The following PPP2R2C variants were observed in gnomAD, a reference collection of about 807,000 sequenced individuals.
The protein encoded by PPP2R2C is protein phosphatase 2 regulatory subunit Bgamma, also known as protein phosphatase 2, regulatory subunit B, gamma.
Under a neutral mutation model 45.3 loss-of-function variants are expected in PPP2R2C, and 10 were observed. That is an observed-to-expected ratio of 0.22 (90% CI 0.14 to 0.37). PPP2R2C has a LOEUF of 0.37. Among genes scored for constraint, PPP2R2C ranks in the 10% least tolerant of loss-of-function variants. The pLI is 1.00. For missense variants in PPP2R2C, 308 were observed against 619.7 expected (o/e 0.50, Z 5.34); for synonymous variants, 257 against 245.4 (o/e 1.05, Z -0.44).
chr4:6,476,440 G>C (rs939735433), upstream of PPP2R2C, among the ~76,000 whole-genome samples: 23 of 152,184 alleles, frequency 1.5e-4, no homozygotes, highest in Admixed American at 9.8e-4. Flanking sequence ...GAAGAGACGT[G>C]AGAGAGTTTG....
chr4:6,539,763 T>G (rs1489884237), intron 1 of PPP2R2C, among the ~76,000 whole-genome samples: 3 of 152,148 alleles, frequency 2.0e-5, no homozygotes, highest in African/African-American at 7.2e-5. Flanking sequence ...GCATTCCCGA[T>G]TACCCTCGCT....
At chr4:6,546,185 T>C (rs561014115) in intron 1 of PPP2R2C, among the ~76,000 whole-genome samples, 1 of 152,318 alleles carries the variant, frequency 6.6e-6, no homozygotes, top group East Asian at 1.9e-4. Flanking sequence ...ATGGTCAGGA[T>C]CTTCCATAAG....
At chr4:6,337,832 G>A (rs2109193527) in intron 6 of PPP2R2C, among the ~76,000 whole-genome samples, 1 of 152,270 alleles carries the variant, frequency 6.6e-6, no homozygotes, top group Admixed American at 6.5e-5. Flanking sequence ...ATTTCTGAGG[G>A]TTTTTAAGGA....
At position 6,394,454 on chromosome 4, in the gene PPP2R2C, A is replaced by G. The variant is rs537893958; in HGVS notation, c.71-13360T>C. Reference sequence around the variant, plus strand: ...TGGACATTGAAGCAAAGATTAATCAATGACAGAGAGAGGAAAAGGGTTTGA... The same window carrying G: ...TGGACATTGAAGCAAAGATTAATCAGTGACAGAGAGAGGAAAAGGGTTTGA... On this transcript the variant is annotated intron_variant, in intron 1 of 8. Coordinates refer to ENST00000382599, the MANE Select transcript of PPP2R2C (RefSeq NM_020416.4). Among the ~76,000 whole-genome samples the G allele has an allele frequency of 3.3e-5, 5 of 152,372 alleles. 1 individual carries two copies. In the South Asian group the frequency reaches 1.0e-3, roughly 32 times the overall value.
intron 3 of PPP2R2C, among the ~76,000 whole-genome samples, chr4:6,376,238 G>A (rs527588375): frequency 6.6e-6 from 1 of 152,274 alleles, no homozygotes; most frequent in South Asian, 2.1e-4. Flanking sequence ...TACTACAGGA[G>A]TCAAAACAAA....
chr4:6,498,272 A>G (rs1276555599), intron 2 of PPP2R2C, among the ~76,000 whole-genome samples: 1 of 152,222 alleles, frequency 6.6e-6, no homozygotes, highest in Non-Finnish European at 1.5e-5. Context: ...GCAGCTCAAC[A>G]CTAGATGGTT....
In PPP2R2C at chr4:6,470,093, CTG is replaced by C. The variant is rs1416364435; in HGVS notation, c.70+2065_70+2066del. Among the ~76,000 whole-genome samples, 17 of 152,318 alleles carry C rather than the reference CTG, an allele frequency of 1.1e-4. No individual in the cohort carries two copies. The East Asian group carries it at 3.1e-3, about 28-fold the overall frequency. On this transcript the variant is annotated intron_variant, in intron 1 of 8. Transcript: ENST00000382599. Reference sequence around the variant, plus strand: ...AACGGCTCCTTCAACACCGTTGCACCTGCTCCTCACAGAAACCTCCAGACCCT... The same window carrying C: ...AACGGCTCCTTCAACACCGTTGCACCCTCCTCACAGAAACCTCCAGACCCT...
At chr4:6,410,632 G>T (rs1042414881) in intron 1 of PPP2R2C, among the ~76,000 whole-genome samples, 1 of 152,040 alleles carries the variant, frequency 6.6e-6, no homozygotes, top group Non-Finnish European at 1.5e-5. Context: ...GTGTGTGAGG[G>T]GGTGTGGCTG....
rs754764576 is a variant in PPP2R2C, at chr4:6,381,805, T to C, written c.71-711A>G. ...GAGTCTTCAATGCCCAGGGCTGGCC[T>C]TCCTGGATGGGCAAGTGTTTGGAGA... is the stretch of plus-strand genomic sequence containing the variant. On this transcript the variant is annotated intron_variant, in intron 1 of 8. Transcript: ENST00000382599. 8.1e-6 allele frequency: 13 copies of C among 1,613,912 alleles called. No individual in the cohort carries two copies. In the Admixed American group the frequency reaches 1.8e-4, roughly 23 times the overall value.
At chr4:6,559,646 C>T (rs1035820459) in intron 1 of PPP2R2C, among the ~76,000 whole-genome samples, 5 of 152,138 alleles carry the variant, frequency 3.3e-5, no homozygotes, top group African/African-American at 4.8e-5. Flanking sequence ...TATGAGGAGC[C>T]GGGCCCTGGG....
intron 1 of PPP2R2C, among the ~76,000 whole-genome samples, chr4:6,443,484 C>T (rs747019659): frequency 8.5e-5 from 13 of 152,192 alleles, no homozygotes; most frequent in Non-Finnish European, 1.5e-4. Flanking sequence ...CAGACCACCC[C>T]GGCGTGAGTC....
At chr4:6,559,330 T>C (rs1725502249) in intron 1 of PPP2R2C, among the ~76,000 whole-genome samples, 2 of 152,016 alleles carry the variant, frequency 1.3e-5, no homozygotes, top group Admixed American at 6.6e-5. Flanking sequence ...GTATAGTGCA[T>C]AGTGCCCGTG....
At chr4:6,526,942 C>T (rs1724226936) in intron 2 of PPP2R2C, among the ~76,000 whole-genome samples, 1 of 152,272 alleles carries the variant, frequency 6.6e-6, no homozygotes, top group Middle Eastern at 3.4e-3. Context: ...CATCCACCCT[C>T]GCACTCCAGC....
At chr4:6,545,900 G>A (rs1355849749) in intron 1 of PPP2R2C, among the ~76,000 whole-genome samples, 9 of 152,262 alleles carry the variant, frequency 5.9e-5, no homozygotes, top group Admixed American at 1.3e-4. Flanking sequence ...GCTACAAAGG[G>A]TTGTGGGAAT....
At chr4:6,346,168 C>A (rs1240507108) in intron 6 of PPP2R2C, among the ~76,000 whole-genome samples, 1 of 152,156 alleles carries the variant, frequency 6.6e-6, no homozygotes, top group East Asian at 1.9e-4. Flanking sequence ...TCCTGCAGAC[C>A]CTGCAGCGAC....
At chr4:6,387,930 G>A (rs1482396220) in intron 1 of PPP2R2C, among the ~76,000 whole-genome samples, 1 of 152,184 alleles carries the variant, frequency 6.6e-6, no homozygotes, top group Non-Finnish European at 1.5e-5. Context: ...TAGAGACAAG[G>A]AAACTTGGTC....
At position 6,548,004 on chromosome 4, in the gene PPP2R2C, G is replaced by A. The variant is rs535038662; in HGVS notation, c.-58-12627C>T. ...AGGCCAAGGCAGGCAGATCACTTGA[G>A]GTCAGGAGTTCGAGACCAGCCTGGC... On this transcript the variant is annotated intron_variant, in intron 1 of 9. Transcript: ENST00000506140. 6.6e-5 allele frequency among the ~76,000 whole-genome samples: 10 copies of A among 152,212 alleles called. No individual in the cohort carries two copies. In the South Asian group the frequency reaches 2.1e-3, roughly 32 times the overall value.
At chr4:6,460,377 C>A (rs1351902399) in intron 1 of PPP2R2C, among the ~76,000 whole-genome samples, 2 of 152,140 alleles carry the variant, frequency 1.3e-5, no homozygotes, top group Admixed American at 6.6e-5. Flanking sequence ...GGAGAGGGGC[C>A]TCAGAAGGAA....
At chr4:6,550,090 A>T (rs1725133920) in intron 1 of PPP2R2C, among the ~76,000 whole-genome samples, 1 of 152,070 alleles carries the variant, frequency 6.6e-6, no homozygotes, top group Non-Finnish European at 1.5e-5. Context: ...GGCTCATCCC[A>T]CGGGCCTGGG....
Sources: allele counts gnomAD v4.1 joint callset (sites outside exome capture counted in the v4.1 genomes callset), GRCh38; gene constraint gnomAD v4.1.1; transcripts MANE v1.5; gene names NCBI Gene and HGNC (gene_info 2026-07-23, HGNC 2026-07-21).